CTNNA2: variants seen among roughly 807,000 people sequenced by gnomAD.
CTNNA2 encodes the protein catenin alpha-2.
CTNNA2 carries 42 observed loss-of-function variants against 101.0 expected under a neutral mutation model. That is an observed-to-expected ratio of 0.42 (90% CI 0.32 to 0.54). The LOEUF (loss-of-function observed/expected upper bound fraction) is 0.54. Ranked by LOEUF, CTNNA2 falls within the 20% of genes least tolerant of loss-of-function variation. CTNNA2 has a pLI of 0.14. For missense variants in CTNNA2, 871 were observed against 1,223.1 expected, an observed-to-expected ratio of 0.71 and a Z score of 4.29; for synonymous variants, 450 against 456.4, an observed-to-expected ratio of 0.99 and a Z score of 0.18.
At chr2:79,416,257 C>CTTTT (rs66830925) in intron 4 of CTNNA2, among the ~76,000 whole-genome samples, 188 of 94,398 alleles carry the variant, frequency 2.0e-3, no homozygotes, top group African/African-American at 3.0e-3. Context: ...CTTTCCTTTT[C>CTTTT]TTTTTTTTTT....
At chr2:80,118,125 TC>T (rs138584044) in intron 7 of CTNNA2, among the ~76,000 whole-genome samples, 2,310 of 152,276 alleles carry the variant, frequency 0.015, 28 homozygotes, top group Non-Finnish European at 0.024. Context: ...TTATCTGTGT[TC>T]CTTGTTTTGA....
intron 7 of CTNNA2, among the ~76,000 whole-genome samples, chr2:80,254,534 C>T (rs959647488): frequency 1.3e-5 from 2 of 152,164 alleles, no homozygotes; most frequent in Non-Finnish European, 1.5e-5. Flanking sequence ...GTTTCCAGAG[C>T]TAAGCTGAGC....
chr2:79,488,318 CA>C lies in CTNNA2; in HGVS notation c.-134-16711del, dbSNP rs61641596. On this transcript the variant is annotated intron_variant, in intron 4 of 21. Coordinates refer to the CTNNA2 transcript ENST00000466387. ...GGGCAACAAGAGTGAAACTCCATCT[CA>C]AAAAAAAAAAAAAAAAAAAAAAAAC... is the stretch of plus-strand genomic sequence containing the variant. Among the ~76,000 whole-genome samples, 120 of 99,858 alleles carry C rather than the reference CA, an allele frequency of 1.2e-3. No individual in the cohort carries two copies. In the East Asian group the frequency reaches 0.015, roughly 13 times the overall value. The allele number at this position is 99,858 out of a possible 152,430, so 65.5% of individuals were successfully genotyped here. A position where few individuals can be genotyped will look rare whatever the true frequency, so the allele number is the denominator to read the frequency against.
chr2:79,825,837 T>C (rs1233500506), intron 3 of CTNNA2, among the ~76,000 whole-genome samples: 1 of 152,180 alleles, frequency 6.6e-6, no homozygotes, highest in Non-Finnish European at 1.5e-5. Flanking sequence ...TAGGAGAAGA[T>C]ACAAATACTC....
intron 1 of CTNNA2, among the ~76,000 whole-genome samples, chr2:79,526,501 A>G (rs1287788059): frequency 6.6e-6 from 1 of 152,066 alleles, no homozygotes; most frequent in Non-Finnish European, 1.5e-5. Flanking sequence ...ATTCATTTGT[A>G]AAATAAGAAT....
chr2:80,273,070 C>T (rs1247920984), intron 7 of CTNNA2, among the ~76,000 whole-genome samples: 1 of 152,120 alleles, frequency 6.6e-6, no homozygotes, highest in Non-Finnish European at 1.5e-5. Context: ...CATTTGTTCC[C>T]TGTACTCACA....
chr2:79,740,171 C>T (rs571887053), intron 2 of CTNNA2, among the ~76,000 whole-genome samples: 1 of 152,262 alleles, frequency 6.6e-6, no homozygotes, highest in Non-Finnish European at 1.5e-5. Context: ...CTCCCAACCT[C>T]TACCCTCTGA....
intron 3 of CTNNA2, among the ~76,000 whole-genome samples, chr2:79,751,116 A>G (rs1672004754): frequency 2.0e-5 from 3 of 152,162 alleles, no homozygotes; most frequent in Admixed American, 1.3e-4. Context: ...GTAATATTTA[A>G]TGTGATCATT....
intron 7 of CTNNA2, among the ~76,000 whole-genome samples, chr2:80,266,189 G>T (rs1672987863): frequency 6.6e-6 from 1 of 152,200 alleles, no homozygotes; most frequent in African/African-American, 2.4e-5. Flanking sequence ...TGTCCTGGGA[G>T]TAGACTAGGT....
chr2:79,421,464 G>C (rs1423088736), intron 4 of CTNNA2, among the ~76,000 whole-genome samples: 1 of 152,072 alleles, frequency 6.6e-6, no homozygotes, highest in Non-Finnish European at 1.5e-5. Context: ...TGGACCTCCA[G>C]GTGTAATAGA....
At chr2:79,855,206 TTCTC>T (rs1409852056) in intron 3 of CTNNA2, among the ~76,000 whole-genome samples, 1 of 152,038 alleles carries the variant, frequency 6.6e-6, no homozygotes, top group South Asian at 2.1e-4. Flanking sequence ...CTCTCTGTCT[TTCTC>T]TTTCTTTCTC....
intron 1 of CTNNA2, among the ~76,000 whole-genome samples, chr2:79,591,375 G>A (rs1676834299): frequency 6.6e-6 from 1 of 152,160 alleles, no homozygotes; most frequent in Non-Finnish European, 1.5e-5. Flanking sequence ...ATTAAGACAA[G>A]TGATATGATA....
intron 2 of CTNNA2, among the ~76,000 whole-genome samples, chr2:79,243,128 G>C (rs1204193825): frequency 6.6e-6 from 1 of 151,818 alleles, no homozygotes; most frequent in Non-Finnish European, 1.5e-5. Context: ...AGAGAACAGA[G>C]ATCTAAAATT....
rs749396485 is a variant in CTNNA2, at chr2:80,303,709, G to C, written c.1057-89502G>C. 1 of 1,608,040 alleles carries C rather than the reference G, an allele frequency of 6.2e-7. No individual in the cohort carries two copies. The highest frequency in any genetic ancestry group is 1.7e-5 in the Admixed American group (1 of 59,544). On this transcript the variant is annotated intron_variant, in intron 7 of 18. Transcript: ENST00000402739. The surrounding 1 kb of genome is among the most constrained non-coding windows in gnomAD (Gnocchi z 7.7). ...CGCACCGGCACAGCTGCGGGCACCCGCTGGGGGCGGCGGGCAGCATCTGAA... is the reference window on the plus strand; with the variant it reads ...CGCACCGGCACAGCTGCGGGCACCCCCTGGGGGCGGCGGGCAGCATCTGAA...
intron 2 of CTNNA2, among the ~76,000 whole-genome samples, chr2:79,252,233 C>T (rs1192298420): frequency 6.6e-6 from 1 of 151,674 alleles, no homozygotes; most frequent in Non-Finnish European, 1.5e-5. Flanking sequence ...AAAAAGACTG[C>T]TTGACTTCTG....
chr2:80,242,613 A>T (rs1671025197), intron 7 of CTNNA2, among the ~76,000 whole-genome samples: 1 of 152,048 alleles, frequency 6.6e-6, no homozygotes, highest in Non-Finnish European at 1.5e-5. Context: ...TGATCTTTCC[A>T]TTTTGCGCTG....
chr2:80,342,875 A>G (rs540171402), intron 7 of CTNNA2, among the ~76,000 whole-genome samples: 1 of 152,330 alleles, frequency 6.6e-6, no homozygotes, highest in African/African-American at 2.4e-5. Context: ...GAGGTCCAAG[A>G]TCAAGGTATC....
At chr2:80,487,410 TCA>T (rs1201762299) in intron 9 of CTNNA2, among the ~76,000 whole-genome samples, 3 of 152,030 alleles carry the variant, frequency 2.0e-5, no homozygotes, top group Non-Finnish European at 4.4e-5. Context: ...TTTAATTGAC[TCA>T]CAGTTCTGCA....
Position 79,308,035 on chromosome 2 carries a change from G to A in CTNNA2, c.-405-4674G>A, listed in dbSNP as rs535415235. Among the ~76,000 whole-genome samples the A allele has an allele frequency of 9.2e-5, 14 of 152,070 alleles. No homozygotes were observed. In the South Asian group the frequency reaches 2.3e-3, roughly 25 times the overall value. On this transcript the variant is annotated intron_variant, in intron 2 of 21. Coordinates refer to the CTNNA2 transcript ENST00000466387. The stretch of plus-strand genomic sequence containing the variant: ...TCTTCTTTTGAGAAATGTCTATTCA[G>A]ATGATTTGTCCATTTTTATTTATTT...
Sources: allele counts gnomAD v4.1 joint callset (sites outside exome capture counted in the v4.1 genomes callset), GRCh38; gene constraint gnomAD v4.1.1; non-coding constraint Gnocchi (gnomAD v3.1); transcripts MANE v1.5; gene names NCBI Gene and HGNC (gene_info 2026-07-23, HGNC 2026-07-21).